Variants in MVB12B observed in about 807,000 individuals in gnomAD.
MVB12B encodes the protein multivesicular body subunit 12B, also known as ESCRT-I complex subunit MVB12B.
MVB12B carries 16 observed loss-of-function variants against 41.6 expected under a neutral mutation model. The observed-to-expected ratio is 0.38, with a 90% CI of 0.26 to 0.58. The LOEUF (loss-of-function observed/expected upper bound fraction) is 0.58, where lower values mean the gene tolerates loss of function less well. Ranked by LOEUF, MVB12B falls within the 20% of genes least tolerant of loss-of-function variation. MVB12B has a pLI of 0.62. For synonymous variants in MVB12B, 133 were observed against 139.7 expected, an observed-to-expected ratio of 0.95 and a Z score of 0.34; for missense variants, 274 against 380.2, an observed-to-expected ratio of 0.72 and a Z score of 2.32.
intron 2 of MVB12B, among the ~76,000 whole-genome samples, chr9:126,363,182 G>A (rs61182118): frequency 4.6e-4 from 70 of 150,662 alleles, no homozygotes; most frequent in Non-Finnish European, 9.3e-4. Context: ...GTGAGACTCC[G>A]TCTCAAAAAA....
intron 2 of MVB12B, among the ~76,000 whole-genome samples, chr9:126,359,114 C>T (rs999794048): frequency 6.6e-6 from 1 of 150,574 alleles, no homozygotes; most frequent in Non-Finnish European, 1.5e-5. Context: ...AGGCTGGTAT[C>T]CAGTCTCAGC....
chr9:126,335,587 A>G (rs1829250833), intron 1 of MVB12B, among the ~76,000 whole-genome samples: 2 of 152,178 alleles, frequency 1.3e-5, no homozygotes, highest in Admixed American at 1.3e-4. Flanking sequence ...AGAGGTGGGC[A>G]TGTATTCCTA....
intron 1 of MVB12B, among the ~76,000 whole-genome samples, chr9:126,328,041 C>T (rs1276938277): frequency 6.6e-6 from 1 of 152,144 alleles, no homozygotes; most frequent in Non-Finnish European, 1.5e-5. Flanking sequence ...TTTAACAGGG[C>T]TGGGAAATCT....
At chr9:126,460,905 T>G (rs1288927098) in intron 7 of MVB12B, among the ~76,000 whole-genome samples, 2 of 152,162 alleles carry the variant, frequency 1.3e-5, no homozygotes, top group African/African-American at 4.8e-5. Flanking sequence ...GAGGATTAAA[T>G]CAGTCAATAC....
Position 126,367,519 on chromosome 9 carries a change from C to T in MVB12B, c.205-13545C>T, listed in dbSNP as rs1217589782. On this transcript the variant is annotated intron_variant, in intron 2 of 9. Transcript: ENST00000361171. This position sits in a 1 kb window ranked among gnomAD's most constrained non-coding sequence, Gnocchi z 4.3. ...TGCCTGCCAGCACTTTATGATGCAT[C>T]CCACCTGAAGATGCCTTTGGTTCTG... is the stretch of plus-strand genomic sequence containing the variant. 1.3e-5 allele frequency among the ~76,000 whole-genome samples: 2 copies of T among 152,208 alleles called. No individual in the cohort carries two copies. Among genetic ancestry groups the T allele is most frequent in the African/African-American group, 4.8e-5 (2 of 41,450 alleles).
chr9:126,331,105 C>G (rs1829118814), intron 1 of MVB12B, among the ~76,000 whole-genome samples: 2 of 152,184 alleles, frequency 1.3e-5, no homozygotes, highest in South Asian at 4.2e-4. Context: ...GATTTAAATT[C>G]TTTTGTGTAG....
intron 2 of MVB12B, among the ~76,000 whole-genome samples, chr9:126,343,269 G>A (rs2118832348): frequency 6.6e-6 from 1 of 152,148 alleles, no homozygotes; most frequent in East Asian, 1.9e-4. Context: ...CACTATCTGG[G>A]AGTGACTGGT....
intron 2 of MVB12B, among the ~76,000 whole-genome samples, chr9:126,379,647 T>G (rs1830582081): frequency 6.6e-6 from 1 of 152,248 alleles, no homozygotes; most frequent in South Asian, 2.1e-4. Context: ...GTTGTTATAT[T>G]TGCTAATTTA....
chr9:126,460,285 T>C (rs4837087), intron 7 of MVB12B, among the ~76,000 whole-genome samples: 19,729 of 152,134 alleles, frequency 0.13, 1,793 homozygotes, highest in East Asian at 0.44. Flanking sequence ...CCTGGGAAGG[T>C]CACAGGCACT....
intron 7 of MVB12B, among the ~76,000 whole-genome samples, chr9:126,455,887 C>CTT (rs3983803): frequency 0.011 from 1,106 of 102,970 alleles, 36 homozygotes; most frequent in African/African-American, 0.032. Context: ...TTCTTTCTTT[C>CTT]TTTTTTTTTT....
intron 2 of MVB12B, among the ~76,000 whole-genome samples, chr9:126,373,531 T>A (rs1358008259): frequency 6.6e-6 from 1 of 152,256 alleles, no homozygotes; most frequent in East Asian, 1.9e-4. Flanking sequence ...CATTGCTTTC[T>A]GTCTGCTGAA....
At chr9:126,358,275 T>C (rs1297051595) in intron 2 of MVB12B, among the ~76,000 whole-genome samples, 1 of 152,156 alleles carries the variant, frequency 6.6e-6, no homozygotes, top group African/African-American at 2.4e-5. Context: ...TTCAAAGTTA[T>C]TTTGGTCGTT....
At chr9:126,397,158 C>T (rs1005180516) in intron 6 of MVB12B, 48 of 985,390 alleles carry the variant, frequency 4.9e-5, no homozygotes, top group Non-Finnish European at 5.4e-5. Context: ...GGAGCAGTTG[C>T]CCTGAAGTTG....
chr9:126,477,098 G>A (rs904487124), intron 7 of MVB12B, among the ~76,000 whole-genome samples: 1 of 152,138 alleles, frequency 6.6e-6, no homozygotes, highest in Non-Finnish European at 1.5e-5. Flanking sequence ...TGCTTCTCGG[G>A]AAGCCCCAGG....
At chr9:126,352,543 CTGATTTCTTTAGCTTCAAGT>C (rs1388123686) in intron 2 of MVB12B, among the ~76,000 whole-genome samples, 7 of 152,162 alleles carry the variant, frequency 4.6e-5, no homozygotes, top group Admixed American at 1.3e-4. Context: ...TTCTGGGTTG[CTGATTTCTTTAGCTTCAAGT>C]CTGGGATATA....
In MVB12B at chr9:126,367,616, G is replaced by A. The variant is rs78529500; in HGVS notation, c.205-13448G>A. ...CTTTTGAGAGCTCTCAGCACTTGGC[G>A]CTCCCTTACAGCACGGAGGTGATTC... On this transcript the variant is annotated intron_variant, in intron 2 of 9. Transcript: ENST00000361171. The surrounding 1 kb of genome is among the most constrained non-coding windows in gnomAD (Gnocchi z 4.3). Among the ~76,000 whole-genome samples, 5,645 of 152,216 alleles carry A rather than the reference G, an allele frequency of 0.037. 136 individuals carry two copies. Among genetic ancestry groups the A allele is most frequent in the Non-Finnish European group, 0.058 (3,973 of 68,022 alleles).
intron 6 of MVB12B, among the ~76,000 whole-genome samples, chr9:126,420,385 A>T (rs1335835698): frequency 6.6e-6 from 1 of 152,126 alleles, no homozygotes; most frequent in Non-Finnish European, 1.5e-5. Flanking sequence ...TGCTTGATTC[A>T]GCCTGGCTGG....
At chr9:126,485,651 G>C (rs1318761846) in intron 9 of MVB12B, among the ~76,000 whole-genome samples, 1 of 149,156 alleles carries the variant, frequency 6.7e-6, no homozygotes, top group African/African-American at 2.5e-5. Context: ...GCTTCATGAG[G>C]TCAGGGTACC....
chr9:126,501,080 C>T (rs1833945530), intron 9 of MVB12B, among the ~76,000 whole-genome samples: 1 of 152,244 alleles, frequency 6.6e-6, no homozygotes, highest in Admixed American at 6.5e-5. Context: ...AGTGTCCTCC[C>T]AGACTTTGGC....
Sources: gnomAD v4.1 joint callset for allele counts (sites outside exome capture counted in the v4.1 genomes callset) on GRCh38, gnomAD v4.1.1 for gene constraint, Gnocchi (gnomAD v3.1) non-coding constraint, MANE v1.5 for transcripts, NCBI Gene and HGNC (gene_info 2026-07-23, HGNC 2026-07-21) for gene names.